The following PTPRA variants were observed in gnomAD, a reference collection of about 807,000 sequenced individuals.
PTPRA encodes the protein protein tyrosine phosphatase receptor type A, also known as receptor-type tyrosine-protein phosphatase alpha.
In PTPRA, 25 loss-of-function variants were observed where a neutral mutation model predicts 104.8. The observed-to-expected ratio is 0.24, with a 90% CI of 0.17 to 0.33. The LOEUF is 0.33. Among genes scored for constraint, PTPRA ranks in the 10% least tolerant of loss-of-function variants. The probability of loss-of-function intolerance (pLI) is 1.00; values close to 1 mark genes in which losing one functional copy is unlikely to be tolerated. For missense variants in PTPRA, 765 were observed against 1,015.3 expected, an observed-to-expected ratio of 0.75 and a Z score of 3.35; for synonymous variants, 323 against 368.9, an observed-to-expected ratio of 0.88 and a Z score of 1.43.
intron 6 of PTPRA, among the ~76,000 whole-genome samples, chr20:2,976,223 CTT>C (rs2062426718): frequency 6.6e-6 from 1 of 152,198 alleles, no homozygotes; most frequent in Non-Finnish European, 1.5e-5. Context: ...AATACAGTGT[CTT>C]TGCTGTTCAG....
chr20:2,874,627 AG>A (rs2089594884), intron 1 of PTPRA, among the ~76,000 whole-genome samples: 1 of 152,180 alleles, frequency 6.6e-6, no homozygotes, highest in East Asian at 1.9e-4. Flanking sequence ...CCTGAGAAAC[AG>A]AAGATGGTGG....
chr20:2,925,824 C>G (rs1224885399), intron 2 of PTPRA, among the ~76,000 whole-genome samples: 1 of 151,092 alleles, frequency 6.6e-6, no homozygotes, highest in Admixed American at 6.6e-5. Flanking sequence ...ATTGAAAAAA[C>G]AAAAACAAAA....
chr20:2,956,139 T>C (rs912076957), intron 3 of PTPRA, among the ~76,000 whole-genome samples: 1 of 152,186 alleles, frequency 6.6e-6, no homozygotes, highest in Non-Finnish European at 1.5e-5. Flanking sequence ...ATCCATCTGG[T>C]TTATTGGCTA....
intron 1 of PTPRA, among the ~76,000 whole-genome samples, chr20:2,886,888 AAG>A (rs1195995479): frequency 3.3e-5 from 4 of 122,896 alleles, no homozygotes; most frequent in South Asian, 3.5e-4. Context: ...AAAAAAGAAA[AAG>A]AAATAAAAAA....
At chr20:2,910,393 TATATA>T (rs1182058657) in intron 1 of PTPRA, among the ~76,000 whole-genome samples, 11 of 108,860 alleles carry the variant, frequency 1.0e-4, no homozygotes, top group Admixed American at 4.5e-4. Context: ...ATATATTTTA[TATATA>T]ATATATTTTG....
At chr20:2,889,109 CT>C (rs2058702839) in intron 1 of PTPRA, among the ~76,000 whole-genome samples, 1 of 152,094 alleles carries the variant, frequency 6.6e-6, no homozygotes, top group African/African-American at 2.4e-5. Flanking sequence ...GGGAAAAGGG[CT>C]TTTGTATACA....
Position 2,950,404 on chromosome 20 carries a change from C to T in PTPRA, c.-7+2380C>T, listed in dbSNP as rs970214838. On this transcript the variant is annotated intron_variant, in intron 3 of 23. Transcript: ENST00000399903. The surrounding 1 kb of genome is among the most constrained non-coding windows in gnomAD (Gnocchi z 4.0). ...CTGTAATCCCAGCACTTTGGGAGGCCGAGGCGGGCGGATCACGAGGTCAAG... is the reference window on the plus strand; with the variant it reads ...CTGTAATCCCAGCACTTTGGGAGGCTGAGGCGGGCGGATCACGAGGTCAAG... Among the ~76,000 whole-genome samples, 4 of 151,590 alleles carry T rather than the reference C, an allele frequency of 2.6e-5. No homozygotes were observed. Among genetic ancestry groups the T allele is most frequent in the Non-Finnish European group, 4.4e-5 (3 of 67,926 alleles).
At chr20:2,948,795 G>T (rs756243755) in intron 3 of PTPRA, among the ~76,000 whole-genome samples, 1 of 150,328 alleles carries the variant, frequency 6.7e-6, no homozygotes, top group Non-Finnish European at 1.5e-5. Flanking sequence ...ACTAAAAATA[G>T]AAAAAAATTA....
intron 6 of PTPRA, among the ~76,000 whole-genome samples, chr20:2,978,434 C>A (rs2062533963): frequency 6.6e-6 from 1 of 152,066 alleles, no homozygotes; most frequent in Non-Finnish European, 1.5e-5. Context: ...AAAAGTGTGG[C>A]AATAGGTAAA....
At chr20:2,991,141 G>A (rs1459007869) in intron 9 of PTPRA, among the ~76,000 whole-genome samples, 1 of 152,068 alleles carries the variant, frequency 6.6e-6, no homozygotes, top group African/African-American at 2.4e-5. Context: ...ATCACCTGAA[G>A]CCAGGAGTTC....
At chr20:2,868,782 A>T (rs911735243), upstream of PTPRA, among the ~76,000 whole-genome samples, 3 of 152,102 alleles carry the variant, frequency 2.0e-5, no homozygotes, top group African/African-American at 7.2e-5. Flanking sequence ...CTCTCTGGAA[A>T]GGGAGGCTTG....
rs560467483 is a variant in PTPRA at position 3,015,837 on chromosome 20, C to G, written c.907-12C>G. 137 of 1,545,460 alleles carry G rather than the reference C, an allele frequency of 8.9e-5. 1 individual carries two copies. In the South Asian group the frequency reaches 1.4e-3, roughly 16 times the overall value. ...TTTTCTCTTTCTTTTTCTTTCCTTC[C>G]CCACACCCCAGGGCTACCAAGAAAA... On this transcript the variant is annotated splice_polypyrimidine_tract_variant and intron_variant, in intron 11 of 23. Coordinates refer to ENST00000399903, the MANE Select transcript of PTPRA (RefSeq NM_001385305.1).
intron 5 of PTPRA, among the ~76,000 whole-genome samples, chr20:2,972,393 A>G (rs924053447): frequency 3.3e-5 from 5 of 152,130 alleles, no homozygotes; most frequent in Non-Finnish European, 5.9e-5. Context: ...TCTCAGAAAC[A>G]GGGACTCACT....
intron 3 of PTPRA, among the ~76,000 whole-genome samples, chr20:2,953,717 C>T (rs1290514925): frequency 6.6e-6 from 1 of 151,114 alleles, no homozygotes; most frequent in African/African-American, 2.4e-5. Context: ...AAGCACTTCT[C>T]CTGCCTCAGA....
At chr20:2,904,778 G>A (rs1161549383) in intron 1 of PTPRA, among the ~76,000 whole-genome samples, 1 of 151,936 alleles carries the variant, frequency 6.6e-6, no homozygotes, top group Admixed American at 6.6e-5. Flanking sequence ...GTAGGAAGGA[G>A]TGAAATGAAA....
chr20:2,905,262 C>T (rs2059382672), intron 1 of PTPRA, among the ~76,000 whole-genome samples: 2 of 152,084 alleles, frequency 1.3e-5, no homozygotes, highest in Non-Finnish European at 2.9e-5. Context: ...CCCTGGGTGC[C>T]AAAAAGATTG....
intron 6 of PTPRA, among the ~76,000 whole-genome samples, chr20:2,980,217 T>C (rs1282898590): frequency 6.6e-6 from 1 of 152,058 alleles, no homozygotes; most frequent in African/African-American, 2.4e-5. Flanking sequence ...CGGCCAGTTT[T>C]TAAAGAACTC....
rs531805374 is a variant in PTPRA, at chr20:3,022,380, G to A, written c.1328+160G>A. 6.6e-6 allele frequency among the ~76,000 whole-genome samples: 1 copy of A among 152,330 alleles called. No homozygotes were observed. Among genetic ancestry groups the A allele is most frequent in the Admixed American group, 6.5e-5 (1 of 15,310 alleles). On this transcript the variant is annotated intron_variant, in intron 15 of 23. Coordinates refer to ENST00000399903, the MANE Select transcript of PTPRA (RefSeq NM_001385305.1). The surrounding 1 kb of genome is among the most constrained non-coding windows in gnomAD (Gnocchi z 4.6). ...CAGAGACTCCAAGTTCTAGTGCAGGGTGGAGAATATGACTTGAGGAAGGAG... is the reference window on the plus strand; with the variant it reads ...CAGAGACTCCAAGTTCTAGTGCAGGATGGAGAATATGACTTGAGGAAGGAG...
Position 2,927,455 on chromosome 20 carries a change from T to A in PTPRA, c.-50+4170T>A, listed in dbSNP as rs1390450425. On this transcript the variant is annotated intron_variant, in intron 2 of 23. Transcript: ENST00000399903. The stretch of plus-strand genomic sequence containing the variant: ...CTGGAGTTTCTAATTTTCTTGTCTA[T>A]TTGCCTGTTATTATAGTTTCACTTT... 2.6e-5 allele frequency among the ~76,000 whole-genome samples: 4 copies of A among 152,190 alleles called. No homozygotes were observed. In the East Asian group the frequency reaches 7.7e-4, roughly 29 times the overall value.
Sources: allele counts gnomAD v4.1 joint callset (sites outside exome capture counted in the v4.1 genomes callset), GRCh38; gene constraint gnomAD v4.1.1; non-coding constraint Gnocchi (gnomAD v3.1); transcripts MANE v1.5; gene names NCBI Gene and HGNC (gene_info 2026-07-23, HGNC 2026-07-21).